The following FRMD1 variants were observed in gnomAD, a reference collection of about 807,000 sequenced individuals.
The protein encoded by FRMD1 is FERM domain containing 1.
In FRMD1, 51 loss-of-function variants were observed where a neutral mutation model predicts 54.9. That is an observed-to-expected ratio of 0.93 (90% CI 0.74 to 1.17). The LOEUF (loss-of-function observed/expected upper bound fraction) is 1.17. Among genes scored for constraint, FRMD1 ranks in the 50% most tolerant of loss-of-function variants. FRMD1 has a pLI of 0.00. For synonymous variants in FRMD1, 324 were observed against 306.4 expected (o/e 1.06, Z -0.60); for missense variants, 729 against 743.0 (o/e 0.98, Z 0.22).
chr6:168,065,133 T>C, intron 4 of FRMD1, 76 bp from the exon 5 acceptor site: 3 of 1,507,902 alleles, frequency 2.0e-6, no homozygotes, highest in Non-Finnish European at 1.8e-6. Flanking sequence ...GCCTTGTCCC[T>C]CCCCACACCA....
At chr6:168,065,860 C>T in intron 4 of FRMD1, 1 of 1,000,216 alleles carries the variant, frequency 1.0e-6, no homozygotes, top group Non-Finnish European at 1.2e-6. Flanking sequence ...CTGGGAAACC[C>T]CCTTAGGTTT....
intron 1 of FRMD1, among the ~76,000 whole-genome samples, chr6:168,078,523 CCCCTGCTCACCCCCACGG>C (rs1187963543): frequency 1.9e-4 from 28 of 146,712 alleles, no homozygotes; most frequent in Admixed American, 1.2e-3. Flanking sequence ...TCACCCCATA[CCCCTGCTCACCCCCACGG>C]CCCTGCTCAC....
At chr6:168,076,017 C>T (rs919061750) in intron 1 of FRMD1, among the ~76,000 whole-genome samples, 7 of 152,200 alleles carry the variant, frequency 4.6e-5, no homozygotes, top group Non-Finnish European at 8.8e-5. Flanking sequence ...TGTTCAGCCC[C>T]GGCATGGATG....
intron 7 of FRMD1, 21 bp from the exon 8 acceptor site, chr6:168,062,002 T>G: frequency 6.3e-7 from 1 of 1,576,416 alleles, no homozygotes; most frequent in Non-Finnish European, 8.6e-7. Flanking sequence ...AGGAGAGAAG[T>G]TGCCACTCCA....
At chr6:168,069,159 G>A (rs1324057762) in intron 2 of FRMD1, among the ~76,000 whole-genome samples, 1 of 152,226 alleles carries the variant, frequency 6.6e-6, no homozygotes, top group Non-Finnish European at 1.5e-5. Context: ...CTCACAGACA[G>A]GGAGGCCCAG....
At chr6:168,063,339 G>A (rs577379430) in intron 6 of FRMD1, among the ~76,000 whole-genome samples, 10 of 151,292 alleles carry the variant, frequency 6.6e-5, no homozygotes, top group Non-Finnish European at 1.5e-4. Flanking sequence ...TCTTAGCCAC[G>A]GGGGCTCCAT....
At chr6:168,086,744 T>C (rs1474701265) in intron 1 of FRMD1, among the ~76,000 whole-genome samples, 1 of 152,210 alleles carries the variant, frequency 6.6e-6, no homozygotes, top group Non-Finnish European at 1.5e-5. Flanking sequence ...CCCATACTGC[T>C]GTCCTTGTGG....
intron 2 of FRMD1, 151 bp downstream of exon 2, chr6:168,075,094 A>C: frequency 1.5e-6 from 1 of 685,712 alleles, no homozygotes; most frequent in South Asian, 1.7e-5. Flanking sequence ...GTGGTGTGTA[A>C]CTGTGCATTG....
chr6:168,075,178 A>C (rs1340878037), intron 2 of FRMD1, 67 bp downstream of exon 2: 3 of 1,350,522 alleles, frequency 2.2e-6, no homozygotes, highest in Non-Finnish European at 3.2e-6. Context: ...TGGTGTGCCC[A>C]CCCCCTTGAC....
intron 1 of FRMD1, among the ~76,000 whole-genome samples, chr6:168,092,502 G>A (rs1485872920): frequency 6.6e-6 from 1 of 151,662 alleles, no homozygotes; most frequent in Non-Finnish European, 1.5e-5. Flanking sequence ...ATCATGTGAG[G>A]TTTGGGAGGT....
chr6:168,066,135 C>T (rs1266670044), intron 4 of FRMD1: 1 of 987,842 alleles, frequency 1.0e-6, no homozygotes, highest in African/African-American at 1.7e-5. Flanking sequence ...AGCCCAGCGA[C>T]CTCCAGAAGC....
chr6:168,067,604 C>G (rs536712346), intron 2 of FRMD1, 158 bp from the exon 3 acceptor site: 1 of 579,462 alleles, frequency 1.7e-6, no homozygotes, highest in African/African-American at 1.9e-5. Context: ...TGGCTGACAA[C>G]GCAGAAAGCA....
chr6:168,067,333 G>T, intron 3 of FRMD1, 34 bp downstream of exon 3: 1 of 1,409,288 alleles, frequency 7.1e-7, no homozygotes, highest in Non-Finnish European at 9.9e-7. Context: ...CCACCGCGGT[G>T]CCTGCCCTCT....
Position 168,078,969 on chromosome 6 carries a change from C to T in FRMD1, c.126G>A (p.Pro42=), listed in dbSNP as rs146200905. 6.9e-4 allele frequency: 1,115 copies of T among 1,611,774 alleles called. No individual in the cohort carries two copies. Among genetic ancestry groups the T allele is most frequent in the Non-Finnish European group, 8.1e-4 (958 of 1,179,912 alleles). ...AGGCCATCGCGTCCATTCCCAGGGTCGGCTCCTGCTGACTGCATGCAGGCC... is the reference window on the plus strand; with the variant it reads ...AGGCCATCGCGTCCATTCCCAGGGTTGGCTCCTGCTGACTGCATGCAGGCC... ...PERPACSQQE[P]TLGMDAMASE... Residue 42 remains proline (P), a synonymous_variant, in exon 1 of 11, where the codon CCG becomes CCA. Coordinates refer to ENST00000283309, the MANE Select transcript of FRMD1 (RefSeq NM_024919.6).
rs79722710 is a variant in FRMD1 at position 168,075,853 on chromosome 6, G to C, written c.214-518C>G. The C allele has an allele frequency of 3.5e-5, 51 of 1,450,886 alleles. 1 individual carries two copies. In the East Asian group the frequency reaches 7.2e-4, roughly 20 times the overall value. The allele number at this position is 1,450,886 out of a possible 1,614,324, so 89.9% of individuals were successfully genotyped here. A position where few individuals can be genotyped will look rare whatever the true frequency, so the allele number is the denominator to read the frequency against. Reference sequence around the variant, plus strand: ...TGCGTGTCCCTGTTTCCGGCGTCCCGTGTCCACATTTCCGGTGCCCGGTGT... The same window carrying C: ...TGCGTGTCCCTGTTTCCGGCGTCCCCTGTCCACATTTCCGGTGCCCGGTGT... On this transcript the variant is annotated intron_variant, in intron 1 of 10. Coordinates refer to ENST00000283309, the MANE Select transcript of FRMD1 (RefSeq NM_024919.6).
At chr6:168,071,300 C>A (rs984818605) in intron 2 of FRMD1, among the ~76,000 whole-genome samples, 7 of 152,238 alleles carry the variant, frequency 4.6e-5, no homozygotes, top group African/African-American at 1.7e-4. Flanking sequence ...ACACAATTCA[C>A]AAAATGTCTC....
intron 2 of FRMD1, among the ~76,000 whole-genome samples, chr6:168,072,218 C>T (rs1362579810): frequency 6.6e-6 from 1 of 152,188 alleles, no homozygotes; most frequent in Non-Finnish European, 1.5e-5. Flanking sequence ...GCCCTGCACC[C>T]CCTGCTGGGA....
chr6:168,087,306 T>C (rs1232339702), intron 1 of FRMD1, among the ~76,000 whole-genome samples: 1 of 152,170 alleles, frequency 6.6e-6, no homozygotes, highest in Non-Finnish European at 1.5e-5. Context: ...TGACCTCAAA[T>C]GATCTGCCAA....
rs1352416542 is a variant in FRMD1 at position 168,061,952 on chromosome 6, C to T, written c.900G>A (p.Gly300=). 9.4e-6 allele frequency: 15 copies of T among 1,598,430 alleles called. No homozygotes were observed. The highest frequency in any genetic ancestry group is 1.1e-5 in the Non-Finnish European group (13 of 1,173,488). Residue 300 remains glycine, a synonymous_variant, in exon 8 of 11, where the codon GGG becomes GGA. Coordinates refer to ENST00000283309, the MANE Select transcript of FRMD1 (RefSeq NM_024919.6). ...QGKKLEIQLD[G]LPAAQKLVYY... ...AAACCAGCTTCTGTGCTGCGGGCAG[C>T]CCATCCAGCTGGATCTCCAGCTTCT...
Sources: allele counts gnomAD v4.1 joint callset (sites outside exome capture counted in the v4.1 genomes callset), GRCh38; gene constraint gnomAD v4.1.1; transcripts MANE v1.5; gene names NCBI Gene and HGNC (gene_info 2026-07-23, HGNC 2026-07-21).